Variants in ELMO1 observed in about 807,000 individuals in gnomAD.
ELMO1 encodes the protein engulfment and cell motility 1, also known as engulfment and cell motility protein 1.
ELMO1 carries 26 observed loss-of-function variants against 98.9 expected under a neutral mutation model. The ratio of observed to expected loss-of-function variants is 0.26; its 90% confidence interval spans 0.19 to 0.36. The LOEUF (loss-of-function observed/expected upper bound fraction) is 0.36, where lower values mean the gene tolerates loss of function less well. ELMO1 is among the 10% of genes least tolerant of loss of function. The pLI, the probability that ELMO1 is intolerant of heterozygous loss-of-function variation, is 1.00. For synonymous variants in ELMO1, 346 were observed against 346.0 expected (o/e 1.00, Z 0.00); for missense variants, 627 against 935.2 (o/e 0.67, Z 4.30).
At chr7:36,903,758 C>G (rs116600368) in intron 16 of ELMO1, among the ~76,000 whole-genome samples, 3,613 of 152,334 alleles carry the variant, frequency 0.024, 146 homozygotes, top group African/African-American at 0.082. Context: ...AGGGCCTGCA[C>G]CCTTCCCTCT....
intron 13 of ELMO1, among the ~76,000 whole-genome samples, chr7:37,157,517 C>T (rs1214073313): frequency 6.7e-6 from 1 of 149,882 alleles, no homozygotes; most frequent in African/African-American, 2.4e-5. Flanking sequence ...TTCCTATGTA[C>T]CAAGAATAGA....
Position 37,262,972 on chromosome 7 carries a change from G to A in ELMO1, c.244-3622C>T, listed in dbSNP as rs139290518. Among the ~76,000 whole-genome samples the A allele has an allele frequency of 8.3e-4, 127 of 152,276 alleles. No individual in the cohort carries two copies. In the East Asian group the frequency reaches 0.023, roughly 27 times the overall value. On this transcript the variant is annotated intron_variant, in intron 5 of 21. Coordinates refer to ENST00000310758, the MANE Select transcript of ELMO1 (RefSeq NM_014800.11). ...GGCAGTAACCCTCATCATGGAGTCC[G>A]CCAGGAAAAGGTGCTCCACAGAGGT...
chr7:37,440,309 G>A (rs753873544), intron 1 of ELMO1, among the ~76,000 whole-genome samples: 36 of 152,044 alleles, frequency 2.4e-4, no homozygotes, highest in Non-Finnish European at 4.9e-4. Flanking sequence ...AGGTGTGATG[G>A]CAGGCACCTG....
intron 13 of ELMO1, among the ~76,000 whole-genome samples, chr7:37,179,283 T>TTC (rs1790695366): frequency 6.7e-6 from 1 of 150,122 alleles, no homozygotes; most frequent in African/African-American, 2.5e-5. Flanking sequence ...ATAGCTCTTT[T>TTC]TTTTTTTTTT....
chr7:37,211,603 G>T, intron 12 of ELMO1, 86 bp from the exon 13 acceptor site: 3 of 1,505,174 alleles, frequency 2.0e-6, no homozygotes, highest in Non-Finnish European at 2.7e-6. Context: ...TCTTTCCCTG[G>T]GGTCTAAATG....
intron 1 of ELMO1, among the ~76,000 whole-genome samples, chr7:37,374,815 C>A (rs1802264503): frequency 6.6e-6 from 1 of 152,084 alleles, no homozygotes; most frequent in African/African-American, 2.4e-5. Context: ...GTAATCTCAG[C>A]ACTTTGGGAG....
chr7:36,939,830 G>A (rs928989554), intron 16 of ELMO1, among the ~76,000 whole-genome samples: 5 of 152,252 alleles, frequency 3.3e-5, no homozygotes, highest in African/African-American at 1.2e-4. Context: ...CCGGAGGCAT[G>A]CGTGGAGTGG....
In ELMO1 at chr7:37,249,860, C is replaced by G. The variant is rs1243454836; in HGVS notation, c.414-5469G>C. ...TTGGGAGGCCAAGGCAGGAGGATTA[C>G]TTGAGACCAGGAGTTCAACACCAGC... On this transcript the variant is annotated intron_variant, in intron 6 of 21. Transcript: ENST00000310758. 2.0e-5 allele frequency among the ~76,000 whole-genome samples: 3 copies of G among 152,198 alleles called. No individual in the cohort carries two copies. In the East Asian group the frequency reaches 5.8e-4, roughly 29 times the overall value.
chr7:36,938,162 A>G (rs770243134), intron 16 of ELMO1, among the ~76,000 whole-genome samples: 7 of 152,192 alleles, frequency 4.6e-5, no homozygotes, highest in African/African-American at 7.2e-5. Context: ...CCACCAGCTG[A>G]GATGTGAGAT....
At chr7:37,207,307 T>G (rs1047603793) in intron 13 of ELMO1, among the ~76,000 whole-genome samples, 1 of 152,136 alleles carries the variant, frequency 6.6e-6, no homozygotes, top group Non-Finnish European at 1.5e-5. Flanking sequence ...TCCCAGCACT[T>G]TGGGAGGCCA....
intron 15 of ELMO1, among the ~76,000 whole-genome samples, chr7:37,046,036 G>T (rs1348915463): frequency 2.6e-5 from 4 of 152,170 alleles, no homozygotes; most frequent in Admixed American, 1.3e-4. Context: ...TAAGCCCACA[G>T]AAGCAACTTG....
At chr7:36,977,009 C>G (rs1790610529) in intron 16 of ELMO1, among the ~76,000 whole-genome samples, 1 of 152,194 alleles carries the variant, frequency 6.6e-6, no homozygotes. Context: ...CACTCTGCCA[C>G]TTACTAACCG....
intron 13 of ELMO1, among the ~76,000 whole-genome samples, chr7:37,167,874 G>A (rs1458079615): frequency 1.3e-5 from 2 of 151,686 alleles, no homozygotes; most frequent in Non-Finnish European, 2.9e-5. Context: ...TCCTGAATCT[G>A]AATGTTGGCC....
At chr7:36,925,035 A>G in intron 16 of ELMO1, among the ~76,000 whole-genome samples, 1 of 152,140 alleles carries the variant, frequency 6.6e-6, no homozygotes, top group East Asian at 1.9e-4. Flanking sequence ...TAGTGCGCAG[A>G]GGCCAGGGAT....
intron 13 of ELMO1, among the ~76,000 whole-genome samples, chr7:37,159,778 C>T (rs551348320): frequency 4.6e-5 from 7 of 152,232 alleles, no homozygotes; most frequent in African/African-American, 1.4e-4. Context: ...GAAGAGAGGA[C>T]GTGAACGGGG....
chr7:37,428,442 C>T (rs1485423096), intron 1 of ELMO1, among the ~76,000 whole-genome samples: 1 of 152,184 alleles, frequency 6.6e-6, no homozygotes, highest in African/African-American at 2.4e-5. Flanking sequence ...AGGGATTGGG[C>T]AGAACCAGCT....
At chr7:37,266,563 T>C (rs1334167267) in intron 5 of ELMO1, among the ~76,000 whole-genome samples, 1 of 152,234 alleles carries the variant, frequency 6.6e-6, no homozygotes. Flanking sequence ...AGTTCGCTTA[T>C]AATAGGGTTC....
chr7:37,211,430 G>A lies in ELMO1; in HGVS notation c.1042C>T (p.Arg348Cys), dbSNP rs372103309. The change falls in exon 13 of 22, where the codon CGC (arginine) becomes TGC (cysteine). Residue 348 changes from arginine to cysteine, a missense_variant. By Grantham distance (180) the Arg-to-Cys change is radical. Around this residue, in one of 3 missense-constraint regions of ELMO1, gnomAD observed 492 missense variants for 715.6 expected, o/e 0.69. Transcript: ENST00000310758. ...TAATCTCGCGTGTACATGGACTTGCGTTTCTCCATGCTGCCACTGCTGTTG... is the reference window on the plus strand; with the variant it reads ...TAATCTCGCGTGTACATGGACTTGCATTTCTCCATGCTGCCACTGCTGTTG... The part of the protein sequence containing the change: ...PNNSSGSMEK[R>C]KSMYTRDYKK... The A allele has an allele frequency of 9.5e-5, 154 of 1,613,998 alleles. 1 individual carries two copies. The highest frequency in any genetic ancestry group is 3.9e-4 in the African/African-American group (29 of 75,014).
At chr7:37,157,308 C>G (rs943517578) in intron 13 of ELMO1, among the ~76,000 whole-genome samples, 2 of 152,146 alleles carry the variant, frequency 1.3e-5, no homozygotes, top group African/African-American at 4.8e-5. Context: ...GTTGGAAGTT[C>G]TGGCCAGGGC....
Sources: allele counts gnomAD v4.1 joint callset (sites outside exome capture counted in the v4.1 genomes callset), GRCh38; gene constraint gnomAD v4.1.1; regional missense constraint gnomAD v4.1.1; transcripts MANE v1.5; gene names NCBI Gene and HGNC (gene_info 2026-07-23, HGNC 2026-07-21).